GRIN2B: variants seen among roughly 807,000 people sequenced by gnomAD.
GRIN2B encodes glutamate ionotropic receptor NMDA type subunit 2B.
Under a neutral mutation model 114.5 loss-of-function variants are expected in GRIN2B, and 5 were observed. The ratio of observed to expected loss-of-function variants is 0.04; its 90% CI spans 0.02 to 0.09. The LOEUF (loss-of-function observed/expected upper bound fraction) is 0.09. GRIN2B is among the 10% of genes least tolerant of loss of function. The pLI is 1.00. For missense variants in GRIN2B, 1,108 were observed against 1,943.5 expected, an observed-to-expected ratio of 0.57 and a Z score of 8.08; for synonymous variants, 787 against 745.1, an observed-to-expected ratio of 1.06 and a Z score of -0.92.
chr12:13,972,406 G>A (rs939407103), intron 2 of GRIN2B, among the ~76,000 whole-genome samples: 1 of 152,088 alleles, frequency 6.6e-6, no homozygotes, highest in Non-Finnish European at 1.5e-5. Flanking sequence ...TTAAATATAA[G>A]CTTCTGACTC....
intron 3 of GRIN2B, among the ~76,000 whole-genome samples, chr12:13,787,308 A>C (rs1864238379): frequency 6.6e-6 from 1 of 152,236 alleles, no homozygotes; most frequent in Admixed American, 6.5e-5. Flanking sequence ...AGAAAAGGTG[A>C]AGATTCTATT....
chr12:13,563,231 T>C lies in GRIN2B; in HGVS notation c.4007A>G (p.Tyr1336Cys). The part of the protein sequence containing the change: ...DKGRFMDGSP[Y>C]AHMFEMSAGE... ...AGCTGACATCTCAAACATGTGGGCG[T>C]AGGGGCTCCCATCCATGAATCGGCC... Residue 1336 changes from tyrosine to cysteine, a missense_variant, in exon 14 of 14, where the codon TAC becomes TGC. By Grantham distance (194) the Tyr-to-Cys change is radical. Coordinates refer to ENST00000609686, the MANE Select transcript of GRIN2B (RefSeq NM_000834.5). The C allele has an allele frequency of 6.2e-7, 1 of 1,614,180 alleles. No homozygotes were observed. Among genetic ancestry groups the C allele is most frequent in the Non-Finnish European group, 8.5e-7 (1 of 1,180,036 alleles).
At chr12:13,644,679 A>G (rs1463942235) in intron 5 of GRIN2B, among the ~76,000 whole-genome samples, 2 of 152,148 alleles carry the variant, frequency 1.3e-5, no homozygotes, top group Non-Finnish European at 2.9e-5. Flanking sequence ...TGTTTAGTGT[A>G]GCCACTTCAT....
intron 2 of GRIN2B, among the ~76,000 whole-genome samples, chr12:13,915,631 C>A (rs569327989): frequency 2.2e-4 from 34 of 152,302 alleles, no homozygotes; most frequent in African/African-American, 7.5e-4. Context: ...TGTGGCTTAG[C>A]AACTGAGAAA....
chr12:13,782,294 C>T (rs545608142), intron 3 of GRIN2B, among the ~76,000 whole-genome samples: 1 of 152,240 alleles, frequency 6.6e-6, no homozygotes, highest in African/African-American at 2.4e-5. Flanking sequence ...CACACACACA[C>T]ACACTCTCTC....
intron 3 of GRIN2B, among the ~76,000 whole-genome samples, chr12:13,800,740 G>A (rs938956447): frequency 1.3e-5 from 2 of 152,100 alleles, no homozygotes; most frequent in Non-Finnish European, 2.9e-5. Context: ...GATGTCACAG[G>A]CTAACACATT....
In GRIN2B at chr12:13,616,513, G is replaced by T. The variant is rs1949443231; in HGVS notation, c.1270C>A (p.Pro424Thr). ...TTCCTCATGCAGGTTCCACTCAGAGGGTCCACACTTTCCACAATGACAAAT... is the reference window on the plus strand; with the variant it reads ...TTCCTCATGCAGGTTCCACTCAGAGTGTCCACACTTTCCACAATGACAAAT... ...APFVIVESVD[P>T]LSGTCMRNTV... is the part of the protein sequence containing the mutation. Residue 424 changes from proline to threonine, a missense_variant, in exon 6 of 14, where the codon CCT becomes ACT. This residue lies in a region of GRIN2B where 7 missense variants were observed against 39.9 expected (regional missense o/e 0.18). Transcript: ENST00000609686. The T allele has an allele frequency of 1.2e-6, 2 of 1,613,916 alleles. No individual in the cohort carries two copies. The highest frequency in any genetic ancestry group is 1.3e-5 in the African/African-American group (1 of 74,884).
chr12:13,571,984 T>C lies in GRIN2B; in HGVS notation c.2011-20A>G, dbSNP rs375010765. On this transcript the variant is annotated intron_variant, in intron 10 of 13. Transcript: ENST00000609686. The stretch of plus-strand genomic sequence containing the variant: ...CTGGAACTGGAGAGAGAAAGACAGA[T>C]AGAGACAGAGCGGGAGATGGAGGGA... 6 of 1,599,658 alleles carry C rather than the reference T, an allele frequency of 3.8e-6. 1 individual carries two copies. The highest frequency in any genetic ancestry group is 4.5e-5 in the East Asian group (2 of 44,760).
rs1260965687 is a variant in GRIN2B, at chr12:13,865,959, G to A, written c.250C>T (p.Arg84Cys). The A allele has an allele frequency of 4.3e-6, 7 of 1,613,882 alleles. No individual in the cohort carries two copies. The highest frequency in any genetic ancestry group is 5.9e-6 in the Non-Finnish European group (7 of 1,179,964). The stretch of plus-strand genomic sequence containing the variant: ...CGGTCAGACATGAGATCACAGATGC[G>A]GGTGATGATGCTCTTTGGGTCGGTC... ...NETDPKSIIT[R>C]ICDLMSDRKI... Residue 84 changes from arginine to cysteine, a missense_variant, in exon 3 of 14, where the codon CGC (arginine) becomes TGC (cysteine). By Grantham distance (180) the Arg-to-Cys change is radical. Transcript: ENST00000609686.
At chr12:13,712,650 G>A (rs183162720) in intron 4 of GRIN2B, among the ~76,000 whole-genome samples, 275 of 151,866 alleles carry the variant, frequency 1.8e-3, no homozygotes, top group African/African-American at 5.7e-3. Context: ...AACACCTAGT[G>A]TGCTTTGTTT....
Position 13,753,250 on chromosome 12 carries a change from TC to T in GRIN2B, c.1010+66del. Reference sequence around the variant, plus strand: ...CTGTTCTTCCTGCAGTTTCTGAACTTCCAACCCCAGTCTTTGAAGCTCCCCT... The same window carrying T: ...CTGTTCTTCCTGCAGTTTCTGAACTTCAACCCCAGTCTTTGAAGCTCCCCT... On this transcript the variant is annotated intron_variant, in intron 4 of 13. Coordinates refer to ENST00000609686, the MANE Select transcript of GRIN2B (RefSeq NM_000834.5). This position sits in a 1 kb window ranked among gnomAD's most constrained non-coding sequence, Gnocchi z 6.2. 1.0e-6 allele frequency: 1 copy of T among 979,158 alleles called. No homozygotes were observed. Among genetic ancestry groups the T allele is most frequent in the Non-Finnish European group, 1.7e-6 (1 of 601,568 alleles). The allele number at this position is 979,158 out of a possible 1,614,324, so 60.7% of individuals were successfully genotyped here.
chr12:13,966,902 AG>A (rs1867797777), intron 2 of GRIN2B, among the ~76,000 whole-genome samples: 1 of 152,220 alleles, frequency 6.6e-6, no homozygotes, highest in Non-Finnish European at 1.5e-5. Flanking sequence ...TAAATGAACA[AG>A]GGTCAGAACA....
rs575820265 is a variant in GRIN2B at position 13,851,042 on chromosome 12, G to T, written c.411+14756C>A. ...GTAGGCATTTGGTTTTTCTAAAGGG[G>T]TAATAAAATGAAGCTGACCTCTTCT... On this transcript the variant is annotated intron_variant, in intron 3 of 13. Transcript: ENST00000609686. Among the ~76,000 whole-genome samples the T allele has an allele frequency of 5.3e-5, 8 of 152,220 alleles. No homozygotes were observed. The East Asian group carries it at 1.2e-3, about 22-fold the overall frequency.
In GRIN2B at chr12:13,615,353, C is replaced by T. The variant is rs1026544683; in HGVS notation, c.1501-86G>A. On this transcript the variant is annotated intron_variant, in intron 7 of 13. Transcript: ENST00000609686. The surrounding 1 kb of genome is among the most constrained non-coding windows in gnomAD (Gnocchi z 5.8). ...GAAAATACAGCCTATCAGTGGTTTTCTTTGTATAGTGGGAACAATACATCT... is the reference window on the plus strand; with the variant it reads ...GAAAATACAGCCTATCAGTGGTTTTTTTTGTATAGTGGGAACAATACATCT... The T allele has an allele frequency of 8.9e-5, 132 of 1,475,212 alleles. No homozygotes were observed. Among genetic ancestry groups the T allele is most frequent in the Non-Finnish European group, 1.2e-4 (130 of 1,054,054 alleles). The allele number at this position is 1,475,212 out of a possible 1,614,324, so 91.4% of individuals were successfully genotyped here. A position where few individuals can be genotyped will look rare whatever the true frequency, so the allele number is the denominator to read the frequency against.
intron 3 of GRIN2B, among the ~76,000 whole-genome samples, chr12:13,843,161 G>C (rs1021661689): frequency 6.8e-6 from 1 of 147,256 alleles, no homozygotes; most frequent in Non-Finnish European, 1.5e-5. Flanking sequence ...ATCAACACTG[G>C]GCCCAGGAAA....
chr12:13,867,447 T>C (rs1026514432), intron 2 of GRIN2B, among the ~76,000 whole-genome samples: 2 of 152,222 alleles, frequency 1.3e-5, no homozygotes, highest in African/African-American at 4.8e-5. Context: ...TTTTAAATAA[T>C]CAGTGTTCAC....
chr12:13,724,616 A>G (rs891705123), intron 4 of GRIN2B, among the ~76,000 whole-genome samples: 1 of 152,042 alleles, frequency 6.6e-6, no homozygotes, highest in Non-Finnish European at 1.5e-5. Flanking sequence ...TGAGACTGAA[A>G]ATTGATTACC....
In GRIN2B at chr12:13,551,706, G is replaced by C. The variant is rs1309817576; in HGVS notation, c.*11077C>G. On this transcript the variant is annotated 3_prime_UTR_variant, in exon 14 of 14. Coordinates refer to ENST00000609686, the MANE Select transcript of GRIN2B (RefSeq NM_000834.5). ...GGCATCAGAATGCTCATGGCAAAGA[G>C]ATCAAATTCTGTGTAGTTGTGCTGT... 1 of 152,184 alleles carries C rather than the reference G, an allele frequency of 6.6e-6. No homozygotes were observed. Among genetic ancestry groups the C allele is most frequent in the African/African-American group, 2.4e-5 (1 of 41,446 alleles). 9.4% of individuals were successfully genotyped at this position (152,184 alleles called of 1,614,324 possible).
Position 13,980,254 on chromosome 12 carries a change from G to C in GRIN2B, c.-345C>G, listed in dbSNP as rs529314700. The C allele has an allele frequency of 1.2e-4, 19 of 152,234 alleles. No homozygotes were observed. The East Asian group carries it at 3.5e-3, about 28-fold the overall frequency. 9.4% of individuals were successfully genotyped at this position (152,234 alleles called of 1,614,324 possible). ...TTTAACGCTTCTTCTGGCAATTACGGTTTTTGGTTTTTGGAGCGTTAGTGG... is the reference window on the plus strand; with the variant it reads ...TTTAACGCTTCTTCTGGCAATTACGCTTTTTGGTTTTTGGAGCGTTAGTGG... On this transcript the variant is annotated 5_prime_UTR_variant, in exon 2 of 14. Coordinates refer to ENST00000609686, the MANE Select transcript of GRIN2B (RefSeq NM_000834.5).
Sources: allele counts gnomAD v4.1 joint callset (sites outside exome capture counted in the v4.1 genomes callset), GRCh38; gene constraint gnomAD v4.1.1; regional missense constraint gnomAD v4.1.1; non-coding constraint Gnocchi (gnomAD v3.1); transcripts MANE v1.5; gene names NCBI Gene and HGNC (gene_info 2026-07-23, HGNC 2026-07-21).